Variants in ARHGEF28 observed in about 807,000 individuals in gnomAD.
ARHGEF28 encodes 190 kDa guanine nucleotide exchange factor.
A neutral mutation model predicts 206.6 loss-of-function variants in ARHGEF28; 152 were observed. That is an observed-to-expected ratio of 0.74 (90% CI 0.64 to 0.84). The LOEUF (loss-of-function observed/expected upper bound fraction) is 0.84, where lower values mean the gene tolerates loss of function less well. Ranked by LOEUF, ARHGEF28 falls within the 40% of genes least tolerant of loss-of-function variation. ARHGEF28 has a pLI of 0.00. For missense variants in ARHGEF28, 2,028 were observed against 2,073.2 expected, an observed-to-expected ratio of 0.98 and a Z score of 0.42; for synonymous variants, 763 against 776.4, an observed-to-expected ratio of 0.98 and a Z score of 0.29.
rs376887572 is a variant in ARHGEF28, at chr5:73,656,220, C to A, written c.-11-28621C>A. On this transcript the variant is annotated intron_variant, in intron 1 of 35. Coordinates refer to ENST00000513042, the MANE Select transcript of ARHGEF28 (RefSeq NM_001177693.2). ...TTTCTTGTTCCTACGTGTGCTTTGGCAAGAGAGTACCTCAGTAAAGGATTT... is the reference window on the plus strand; with the variant it reads ...TTTCTTGTTCCTACGTGTGCTTTGGAAAGAGAGTACCTCAGTAAAGGATTT... Among the ~76,000 whole-genome samples the A allele has an allele frequency of 2.4e-4, 37 of 152,290 alleles. No individual in the cohort carries two copies. The South Asian group carries it at 7.3e-3, about 30-fold the overall frequency.
At chr5:73,872,480 G>T (rs1457236174) in intron 21 of ARHGEF28, among the ~76,000 whole-genome samples, 1 of 152,082 alleles carries the variant, frequency 6.6e-6, no homozygotes, top group Non-Finnish European at 1.5e-5. Flanking sequence ...TGATTGTGAT[G>T]CATTGTTTTC....
chr5:73,831,494 A>G (rs563854251), intron 9 of ARHGEF28, among the ~76,000 whole-genome samples: 12 of 152,298 alleles, frequency 7.9e-5, no homozygotes, highest in African/African-American at 2.6e-4. Flanking sequence ...AAAATTCTCC[A>G]CGTGTGAGAT....
At chr5:73,651,178 GA>G in intron 1 of ARHGEF28, among the ~76,000 whole-genome samples, 1 of 152,166 alleles carries the variant, frequency 6.6e-6, no homozygotes, top group East Asian at 1.9e-4. Context: ...GAAGGGAATG[GA>G]AAATGCTCTT....
At chr5:73,835,047 G>C (rs1757537489) in intron 10 of ARHGEF28, 1 of 152,202 alleles carries the variant, frequency 6.6e-6, no homozygotes, top group Non-Finnish European at 1.5e-5. Context: ...GGCCAAGGCA[G>C]GGTTACAGGA....
chr5:73,938,585 TG>T lies in ARHGEF28; in HGVS notation c.4949-2258del, dbSNP rs374769280. On this transcript the variant is annotated intron_variant, in intron 35 of 35. Transcript: ENST00000513042. ...CAGGACTGTTGTGGCTTTGGTGACC[TG>T]TTCAGTCTGCCAGTGTCTGCTCGAT... Among the ~76,000 whole-genome samples, 478 of 152,328 alleles carry T rather than the reference TG, an allele frequency of 3.1e-3. 2 individuals are homozygous for T. Among genetic ancestry groups the T allele is most frequent in the African/African-American group, 0.011 (448 of 41,568 alleles).
chr5:73,693,972 G>A (rs1748016966), intron 2 of ARHGEF28, among the ~76,000 whole-genome samples: 1 of 152,194 alleles, frequency 6.6e-6, no homozygotes, highest in South Asian at 2.1e-4. Flanking sequence ...CTGGCCAGCA[G>A]CCACGAGATG....
At chr5:73,796,692 T>C (rs1427417322) in intron 9 of ARHGEF28, among the ~76,000 whole-genome samples, 1 of 152,214 alleles carries the variant, frequency 6.6e-6, no homozygotes, top group African/African-American at 2.4e-5. Context: ...AACAGAAATT[T>C]AGACCCACAC....
intron 35 of ARHGEF28, among the ~76,000 whole-genome samples, chr5:73,928,864 C>T (rs2973534): frequency 0.88 from 133,987 of 151,974 alleles, 59,313 homozygotes; most frequent in East Asian, 0.98. Flanking sequence ...AATACTACCC[C>T]ATTCTTGAGG....
At chr5:73,883,217 C>T (rs1399456473) in intron 23 of ARHGEF28, among the ~76,000 whole-genome samples, 1 of 151,988 alleles carries the variant, frequency 6.6e-6, no homozygotes, top group African/African-American at 2.4e-5. Context: ...TATAAAGTTT[C>T]CTGGATTCTA....
rs141336715 is a variant in ARHGEF28 at position 73,682,430 on chromosome 5, T to C, written c.-11-2411T>C. On this transcript the variant is annotated intron_variant, in intron 1 of 35. Transcript: ENST00000513042. ...ATCACAATTCATTCTTTTTTTTTTT[T>C]TTTTGAGATTGAGTTTCACTCTTAT... 3.7e-3 allele frequency among the ~76,000 whole-genome samples: 568 copies of C among 152,116 alleles called. 6 individuals are homozygous for C. The highest frequency in any genetic ancestry group is 4.3e-3 in the Non-Finnish European group (289 of 67,972).
intron 2 of ARHGEF28, among the ~76,000 whole-genome samples, chr5:73,731,347 A>G (rs1177906014): frequency 1.3e-5 from 2 of 152,208 alleles, no homozygotes; most frequent in Non-Finnish European, 2.9e-5. Flanking sequence ...TCAGTTAGAC[A>G]TATACCTTGA....
intron 7 of ARHGEF28, among the ~76,000 whole-genome samples, chr5:73,791,495 G>A (rs1254205305): frequency 2.6e-5 from 4 of 152,186 alleles, no homozygotes; most frequent in Admixed American, 1.3e-4. Context: ...GTCTGGCTGC[G>A]TCTGACCACG....
Position 73,865,975 on chromosome 5 carries a change from AGAAATATAACAAGAAC to A in ARHGEF28, c.2115_2130del (p.Lys706AsnfsTer96), listed in dbSNP as rs773259487. On this transcript the variant is annotated frameshift_variant, in exon 18 of 36. Transcript: ENST00000513042. LOFTEE classifies it high-confidence loss of function. Reference sequence around the variant, plus strand: ...AATATTCTTTACCAGAAATTCCAAGAGAAATATAACAAGAACAAACCACAGACCATCCTTGGAAGTA... The same window carrying A: ...AATATTCTTTACCAGAAATTCCAAGAAAACCACAGACCATCCTTGGAAGTA... The A allele has an allele frequency of 1.2e-6, 2 of 1,600,010 alleles. No individual in the cohort carries two copies. Among genetic ancestry groups the A allele is most frequent in the South Asian group, 2.2e-5 (2 of 89,436 alleles).
intron 31 of ARHGEF28, chr5:73,903,840 T>TAA (rs1298590428): frequency 4.4e-6 from 1 of 226,788 alleles, no homozygotes; most frequent in African/African-American, 2.3e-5. Context: ...CTCTAGAATA[T>TAA]AAGAGGTCAG....
chr5:73,849,941 A>T (rs1758599693), intron 13 of ARHGEF28, among the ~76,000 whole-genome samples: 1 of 151,960 alleles, frequency 6.6e-6, no homozygotes. Context: ...ATTGTCTATT[A>T]TCCTTAAGGG....
chr5:73,654,933 A>C (rs1365779383), intron 1 of ARHGEF28, among the ~76,000 whole-genome samples: 1 of 152,164 alleles, frequency 6.6e-6, no homozygotes, highest in African/African-American at 2.4e-5. Flanking sequence ...TGGTGCATTC[A>C]TCTGGTCTTT....
At chr5:73,940,127 T>G (rs1265879196) in intron 35 of ARHGEF28, among the ~76,000 whole-genome samples, 1 of 152,176 alleles carries the variant, frequency 6.6e-6, no homozygotes, top group Non-Finnish European at 1.5e-5. Flanking sequence ...TTGCAGCAAG[T>G]GTCTTTCTTC....
intron 2 of ARHGEF28, among the ~76,000 whole-genome samples, chr5:73,746,791 G>A (rs919089058): frequency 5.3e-5 from 8 of 151,912 alleles, no homozygotes; most frequent in South Asian, 4.2e-4. Flanking sequence ...TGTCTGCCTC[G>A]GACTTTGAAC....
intron 16 of ARHGEF28, among the ~76,000 whole-genome samples, chr5:73,861,184 G>A (rs1219782744): frequency 6.6e-6 from 1 of 151,728 alleles, no homozygotes; most frequent in African/African-American, 2.4e-5. Context: ...CTCATGCAGA[G>A]CTGGCGACCA....
Sources: gnomAD v4.1 joint callset for allele counts (sites outside exome capture counted in the v4.1 genomes callset) on GRCh38, gnomAD v4.1.1 for gene constraint, MANE v1.5 for transcripts, NCBI Gene and HGNC (gene_info 2026-07-23, HGNC 2026-07-21) for gene names.